Variants in CACNA2D3 observed in about 807,000 individuals in gnomAD.
CACNA2D3 encodes voltage-dependent calcium channel subunit alpha-2/delta-3.
CACNA2D3 carries 60 observed loss-of-function variants against 160.6 expected under a neutral mutation model. That is an observed-to-expected ratio of 0.37 (90% CI 0.30 to 0.46). CACNA2D3 has a LOEUF of 0.46. CACNA2D3 is among the 20% of genes least tolerant of loss of function. CACNA2D3 has a pLI of 1.00. For missense variants in CACNA2D3, 1,205 were observed against 1,365.0 expected (o/e 0.88, Z 1.85); for synonymous variants, 558 against 492.9 (o/e 1.13, Z -1.75).
At chr3:54,971,828 G>A (rs1382737719) in intron 29 of CACNA2D3, among the ~76,000 whole-genome samples, 4 of 152,144 alleles carry the variant, frequency 2.6e-5, no homozygotes, top group Non-Finnish European at 5.9e-5. Context: ...GTAATAAAAT[G>A]TGTGACCTTG....
At chr3:54,526,670 C>T (rs1701728001) in intron 5 of CACNA2D3, among the ~76,000 whole-genome samples, 1 of 152,020 alleles carries the variant, frequency 6.6e-6, no homozygotes, top group South Asian at 2.1e-4. Context: ...CCCTTAAGTA[C>T]CCATAAGTAT....
intron 3 of CACNA2D3, among the ~76,000 whole-genome samples, chr3:54,349,564 C>T (rs1698515934): frequency 6.6e-6 from 1 of 152,116 alleles, no homozygotes; most frequent in African/African-American, 2.4e-5. Context: ...CACTATGCTC[C>T]TTTAATTTTT....
rs372775424 is a variant in CACNA2D3, at chr3:55,051,079, T to C, written c.2988-22366T>C. On this transcript the variant is annotated intron_variant, in intron 35 of 37. Coordinates refer to ENST00000474759, the MANE Select transcript of CACNA2D3 (RefSeq NM_018398.3). ...CTCCCGTAGCTCAGAGTAATTTGAT[T>C]GTCTGAAGCCTTCTTCTCTCAGCTC... 9.8e-3 allele frequency among the ~76,000 whole-genome samples: 1,492 copies of C among 151,484 alleles called. 49 individuals are homozygous for C. The highest frequency in any genetic ancestry group is 0.084 in the East Asian group (430 of 5,122).
intron 2 of CACNA2D3, among the ~76,000 whole-genome samples, chr3:54,194,547 A>T (rs1161703390): frequency 6.6e-6 from 1 of 152,028 alleles, no homozygotes; most frequent in African/African-American, 2.4e-5. Flanking sequence ...CTTGATTACC[A>T]TGTGGATGGG....
At chr3:54,631,672 A>G (rs895203748) in intron 10 of CACNA2D3, among the ~76,000 whole-genome samples, 12 of 152,192 alleles carry the variant, frequency 7.9e-5, no homozygotes, top group African/African-American at 2.7e-4. Context: ...ATTTGCTCAG[A>G]TGACTTAAAG....
At chr3:54,327,983 A>C (rs1575397545) in intron 3 of CACNA2D3, among the ~76,000 whole-genome samples, 1 of 152,242 alleles carries the variant, frequency 6.6e-6, no homozygotes, top group African/African-American at 2.4e-5. Flanking sequence ...GCTCTCTCTT[A>C]GTGAACATTG....
intron 2 of CACNA2D3, among the ~76,000 whole-genome samples, chr3:54,171,805 T>A (rs1700576210): frequency 6.6e-6 from 1 of 152,194 alleles, no homozygotes; most frequent in Admixed American, 6.5e-5. Flanking sequence ...GAGGCTGAAC[T>A]TCTTGGTCCC....
At chr3:54,258,954 C>G (rs1401399901) in intron 2 of CACNA2D3, among the ~76,000 whole-genome samples, 1 of 152,212 alleles carries the variant, frequency 6.6e-6, no homozygotes, top group Non-Finnish European at 1.5e-5. Flanking sequence ...CTCTGCCATA[C>G]TGGACTGAGG....
chr3:54,222,786 A>G (rs1484317375), intron 2 of CACNA2D3, among the ~76,000 whole-genome samples: 2 of 152,234 alleles, frequency 1.3e-5, no homozygotes, highest in African/African-American at 4.8e-5. Flanking sequence ...ATATAAATCA[A>G]TAGTGACAAC....
rs192549373 is a variant in CACNA2D3 at position 54,660,322 on chromosome 3, G to A, written c.1167+18081G>A. Among the ~76,000 whole-genome samples, 756 of 151,914 alleles carry A rather than the reference G, an allele frequency of 5.0e-3. 4 individuals carry two copies. Among genetic ancestry groups the A allele is most frequent in the African/African-American group, 0.017 (692 of 41,454 alleles). On this transcript the variant is annotated intron_variant, in intron 11 of 37. Coordinates refer to ENST00000474759, the MANE Select transcript of CACNA2D3 (RefSeq NM_018398.3). ...ACTACAGGCGCCCACCACCATGCCC[G>A]GCTAATTTTTTGTATTTTTAGTAGA... is the stretch of plus-strand genomic sequence containing the variant.
At chr3:54,301,375 G>A (rs540706997) in intron 2 of CACNA2D3, among the ~76,000 whole-genome samples, 2 of 152,116 alleles carry the variant, frequency 1.3e-5, no homozygotes, top group Admixed American at 1.3e-4. Flanking sequence ...AAGGCAGGCG[G>A]ATCACTTGAG....
At chr3:54,176,268 GT>G (rs536154305) in intron 2 of CACNA2D3, among the ~76,000 whole-genome samples, 11 of 152,290 alleles carry the variant, frequency 7.2e-5, no homozygotes, top group African/African-American at 2.6e-4. Flanking sequence ...CCAGGATTCT[GT>G]TTTTCCAAAT....
At chr3:54,890,564 C>CT (rs1313889901) in intron 24 of CACNA2D3, among the ~76,000 whole-genome samples, 1 of 151,406 alleles carries the variant, frequency 6.6e-6, no homozygotes, top group Non-Finnish European at 1.5e-5. Context: ...AGGCCATTTG[C>CT]TTTTTGCATA....
At chr3:54,790,677 A>G (rs987222288) in intron 13 of CACNA2D3, among the ~76,000 whole-genome samples, 3 of 151,900 alleles carry the variant, frequency 2.0e-5, no homozygotes, top group Non-Finnish European at 4.4e-5. Context: ...ACACATCTCA[A>G]TCTCTCTATA....
intron 2 of CACNA2D3, among the ~76,000 whole-genome samples, chr3:54,151,018 G>A (rs147079327): frequency 1.3e-5 from 2 of 152,164 alleles, no homozygotes; most frequent in Non-Finnish European, 2.9e-5. Flanking sequence ...ATGAATGGAT[G>A]TAGGGATAGA....
intron 35 of CACNA2D3, among the ~76,000 whole-genome samples, chr3:55,049,097 T>C (rs1272893031): frequency 6.6e-6 from 1 of 151,996 alleles, no homozygotes; most frequent in East Asian, 1.9e-4. Context: ...TGTGTCCCTG[T>C]TTCCTTCCGT....
chr3:55,056,501 A>G (rs2107214432), intron 35 of CACNA2D3, among the ~76,000 whole-genome samples: 1 of 152,240 alleles, frequency 6.6e-6, no homozygotes, highest in African/African-American at 2.4e-5. Context: ...AGATATCTGC[A>G]CTCCCATCTT....
intron 2 of CACNA2D3, among the ~76,000 whole-genome samples, chr3:54,247,333 T>C (rs200850608): frequency 0.014 from 948 of 67,502 alleles, 5 homozygotes; most frequent in East Asian, 0.027. Context: ...AACAAACAAA[T>C]AAATAAAACC....
intron 2 of CACNA2D3, among the ~76,000 whole-genome samples, chr3:54,214,045 T>A (rs1157896130): frequency 1.3e-5 from 2 of 152,138 alleles, no homozygotes; most frequent in Non-Finnish European, 2.9e-5. Context: ...AGGTATTTGC[T>A]GAGATATCTT....
Sources: allele counts gnomAD v4.1 joint callset (sites outside exome capture counted in the v4.1 genomes callset), GRCh38; gene constraint gnomAD v4.1.1; transcripts MANE v1.5; gene names NCBI Gene and HGNC (gene_info 2026-07-23, HGNC 2026-07-21).